MYOCOS: variants seen among roughly 807,000 people sequenced by gnomAD.
The protein encoded by MYOCOS is myocilin opposite strand protein.
rs117603143 is a variant in MYOCOS, at chr1:171,613,026, C to T, written c.-251-1772C>T. Reference sequence around the variant, plus strand: ...ATTTCTAGCCTTCATGTGTCTTTAACTCTGATGGAGGGTCCATGTTTACAC... The same window carrying T: ...ATTTCTAGCCTTCATGTGTCTTTAATTCTGATGGAGGGTCCATGTTTACAC... On this transcript the variant is annotated intron_variant, in intron 1 of 3. Coordinates refer to the MYOCOS transcript ENST00000636697. 1.6e-4 allele frequency among the ~76,000 whole-genome samples: 24 copies of T among 152,274 alleles called. No individual in the cohort carries two copies. In the East Asian group the frequency reaches 4.4e-3, roughly 28 times the overall value.
chr1:171,604,418 A>G (rs1248568077), intron 1 of MYOCOS: 1 of 152,198 alleles, frequency 6.6e-6, no homozygotes, highest in African/African-American at 2.4e-5. Context: ...TTTTATAGTT[A>G]TTATAAATGC....
At chr1:171,626,389 T>C (rs796125426) in intron 2 of MYOCOS, 65 bp from the exon 3 acceptor site, 19 of 396,758 alleles carry the variant, frequency 4.8e-5, no homozygotes, top group African/African-American at 3.9e-4. Flanking sequence ...GTCTGTTTCC[T>C]TTTCCTCTGT....
At position 171,626,545 on chromosome 1, in the gene MYOCOS, C is replaced by T; in HGVS notation, c.187C>T (p.Leu63Phe). 1 of 398,680 alleles carries T rather than the reference C, an allele frequency of 2.5e-6. No homozygotes were observed. Among genetic ancestry groups the T allele is most frequent in the East Asian group, 3.6e-5 (1 of 28,082 alleles). The allele number at this position is 398,680 out of a possible 1,614,324, so 24.7% of individuals were successfully genotyped here. A position where few individuals can be genotyped will look rare whatever the true frequency, so the allele number is the denominator to read the frequency against. The change falls in exon 3 of 3, where the codon CTC (leucine) becomes TTC (phenylalanine). Residue 63 changes from leucine to phenylalanine, a missense_variant. By Grantham distance (22) the Leu-to-Phe change is conservative. Transcript: ENST00000637642. ...AGCCCCTCCCCCTCACAGGACCTACCTCACAGTACCTCCTGCCCCACCTCC... is the reference window on the plus strand; with the variant it reads ...AGCCCCTCCCCCTCACAGGACCTACTTCACAGTACCTCCTGCCCCACCTCC... ...EQAPPPHRTY[L>F]TVPPAPPPSP...
At chr1:171,602,425 T>C (rs536629755) in intron 1 of MYOCOS, among the ~76,000 whole-genome samples, 1 of 152,278 alleles carries the variant, frequency 6.6e-6, no homozygotes, top group East Asian at 1.9e-4. Context: ...TAAAAAAATA[T>C]TGTTTTAAAA....
chr1:171,623,766 C>T (rs149562127), intron 1 of MYOCOS, 75 bp from the exon 2 acceptor site: 4 of 396,730 alleles, frequency 1.0e-5, no homozygotes, highest in African/African-American at 2.1e-5. Context: ...CTGCAAACTG[C>T]GCCATTCTGG....
chr1:171,605,120 C>T (rs767278032), intron 1 of MYOCOS, among the ~76,000 whole-genome samples: 6 of 151,728 alleles, frequency 4.0e-5, no homozygotes, highest in Admixed American at 1.3e-4. Context: ...GCATGTAGCC[C>T]AGTCTCTAAA....
chr1:171,613,758 G>A (rs1296507050), intron 1 of MYOCOS, among the ~76,000 whole-genome samples: 1 of 152,018 alleles, frequency 6.6e-6, no homozygotes, highest in Non-Finnish European at 1.5e-5. Flanking sequence ...ATGTTGCCCC[G>A]GTTGGTCTTG....
At chr1:171,616,204 C>A (rs1409524292) in intron 2 of MYOCOS, among the ~76,000 whole-genome samples, 1 of 147,698 alleles carries the variant, frequency 6.8e-6, no homozygotes, top group Non-Finnish European at 1.5e-5. Context: ...GTGACAAGAG[C>A]GAAACTCCAT....
At chr1:171,624,310 T>C (rs1207124941) in intron 2 of MYOCOS, among the ~76,000 whole-genome samples, 1 of 152,116 alleles carries the variant, frequency 6.6e-6, no homozygotes, top group Non-Finnish European at 1.5e-5. Context: ...TCACCTGGGC[T>C]GGAGTTCAGT....
chr1:171,619,434 C>G (rs1254389715), upstream of MYOCOS, among the ~76,000 whole-genome samples: 1 of 152,186 alleles, frequency 6.6e-6, no homozygotes, highest in Non-Finnish European at 1.5e-5. Context: ...TGTTGTCAAT[C>G]ACTTTCGACG....
At chr1:171,623,267 C>T (rs551735127) in intron 1 of MYOCOS, among the ~76,000 whole-genome samples, 11 of 152,204 alleles carry the variant, frequency 7.2e-5, no homozygotes, top group African/African-American at 2.2e-4. Flanking sequence ...AATGGGTGGC[C>T]GCTATCTCTG....
chr1:171,606,689 C>G (rs971304000), intron 1 of MYOCOS, among the ~76,000 whole-genome samples: 1 of 152,206 alleles, frequency 6.6e-6, no homozygotes, highest in Non-Finnish European at 1.5e-5. Context: ...GTTGTAAGCC[C>G]TTAAAAAGGA....
chr1:171,616,532 C>T (rs1652453568), intron 2 of MYOCOS, among the ~76,000 whole-genome samples: 1 of 152,074 alleles, frequency 6.6e-6, no homozygotes, highest in African/African-American at 2.4e-5. Flanking sequence ...CAGAGTGAGA[C>T]TCTGTCTCAA....
chr1:171,613,456 A>G (rs1652388103), intron 1 of MYOCOS, among the ~76,000 whole-genome samples: 1 of 152,170 alleles, frequency 6.6e-6, no homozygotes, highest in South Asian at 2.1e-4. Flanking sequence ...GTTTCCAAGT[A>G]TGTTAGCCCA....
chr1:171,603,274 C>T (rs747801914), intron 1 of MYOCOS, among the ~76,000 whole-genome samples: 3 of 152,192 alleles, frequency 2.0e-5, no homozygotes, highest in Non-Finnish European at 4.4e-5. Flanking sequence ...TGTTCCTCCC[C>T]GAGCAAATGT....
Position 171,610,673 on chromosome 1 carries a change from C to T in MYOCOS, c.-251-4125C>T, listed in dbSNP as rs114344450. The stretch of plus-strand genomic sequence containing the variant: ...CATTGATCCATTCACCTCTTAATCA[C>T]CTCTTAAAGTCCCTACCTCTCAACA... On this transcript the variant is annotated intron_variant, in intron 1 of 3. Coordinates refer to the MYOCOS transcript ENST00000636697. 4.9e-3 allele frequency among the ~76,000 whole-genome samples: 751 copies of T among 152,318 alleles called. 4 individuals are homozygous for T. The highest frequency in any genetic ancestry group is 0.017 in the African/African-American group (688 of 41,574).
chr1:171,624,374 A>G (rs1373660752), intron 2 of MYOCOS, among the ~76,000 whole-genome samples: 1 of 151,914 alleles, frequency 6.6e-6, no homozygotes, highest in Non-Finnish European at 1.5e-5. Context: ...GGCTTAAGCA[A>G]TCCTCCCACC....
At chr1:171,614,590 T>A (rs1413571035) in intron 1 of MYOCOS, among the ~76,000 whole-genome samples, 1 of 152,134 alleles carries the variant, frequency 6.6e-6, no homozygotes, top group African/African-American at 2.4e-5. Context: ...AAGGCAACTC[T>A]CTTCAGCTGA....
At chr1:171,617,767 G>T (rs889147289), upstream of MYOCOS, among the ~76,000 whole-genome samples, 14 of 152,326 alleles carry the variant, frequency 9.2e-5, no homozygotes, top group Admixed American at 2.0e-4. Flanking sequence ...TAACATGTTT[G>T]TTCACTGATG....
Sources: gnomAD v4.1 joint callset for allele counts (sites outside exome capture counted in the v4.1 genomes callset) on GRCh38, gnomAD v4.1.1 for gene constraint, MANE v1.5 for transcripts, NCBI Gene and HGNC (gene_info 2026-07-23, HGNC 2026-07-21) for gene names.